DNAH8: variants seen among roughly 807,000 people sequenced by gnomAD.
DNAH8 encodes dynein axonemal heavy chain 8, also known as axonemal beta dynein heavy chain 8.
DNAH8 carries 382 observed loss-of-function variants against 562.1 expected under a neutral mutation model. The observed-to-expected ratio is 0.68, with a 90% CI of 0.63 to 0.74. The LOEUF (loss-of-function observed/expected upper bound fraction) is 0.74, where lower values mean the gene tolerates loss of function less well. DNAH8 is among the 30% of genes least tolerant of loss of function. The probability of loss-of-function intolerance (pLI) is 0.00; values close to 1 mark genes in which losing one functional copy is unlikely to be tolerated. For missense variants in DNAH8, 5,203 were observed against 5,620.4 expected, an observed-to-expected ratio of 0.93 and a Z score of 2.37; for synonymous variants, 1,881 against 1,919.4, an observed-to-expected ratio of 0.98 and a Z score of 0.52.
intron 12 of DNAH8, among the ~76,000 whole-genome samples, chr6:38,772,181 A>G (rs929940793): frequency 2.6e-5 from 4 of 151,890 alleles, no homozygotes; most frequent in Non-Finnish European, 5.9e-5. Flanking sequence ...GGTGCCCGCC[A>G]CTACGCCCGG....
In DNAH8 at chr6:38,923,073, G is replaced by T. The variant is rs141263020; in HGVS notation, c.10678G>T (p.Ala3560Ser). The T allele has an allele frequency of 2.5e-6, 4 of 1,613,164 alleles. No individual in the cohort carries two copies. In the Admixed American group the frequency reaches 5.0e-5, roughly 20 times the overall value. The change falls in exon 72 of 93, where the codon GCT becomes TCT. Residue 3560 changes from alanine (A) to serine (S), a missense_variant. This residue lies in a region of DNAH8 where 1,399 missense variants were observed against 1,518.4 expected (regional missense o/e 0.92). Transcript: ENST00000327475. ...MNEKMDLLNDADTCRKKMQAA... is the reference protein window; with the variant it reads ...MNEKMDLLNDSDTCRKKMQAA... ...ATGGCTGCAGGATTTGCTTAATGAC[G>T]CTGATACGTGCCGGAAAAAGATGCA...
chr6:39,022,180 G>A lies in DNAH8; in HGVS notation c.13715-4366G>A, dbSNP rs151130088. ...AAATCATTTGGATTTTGTGTGTGTG[G>A]GTAAGTGGGGGGTAGCTGTCTATAA... On this transcript the variant is annotated intron_variant, in intron 91 of 92. Transcript: ENST00000327475. Among the ~76,000 whole-genome samples, 453 of 152,302 alleles carry A rather than the reference G, an allele frequency of 3.0e-3. 2 individuals are homozygous for A. Among genetic ancestry groups the A allele is most frequent in the African/African-American group, 0.01 (433 of 41,570 alleles).
chr6:38,779,426 T>C (rs1175488092), intron 14 of DNAH8, among the ~76,000 whole-genome samples: 3 of 152,234 alleles, frequency 2.0e-5, no homozygotes, highest in East Asian at 1.9e-4. Context: ...TGTAGTATGC[T>C]GATGTCAATT....
In DNAH8 at chr6:38,822,899, G is replaced by A. The variant is rs368767000; in HGVS notation, c.3585G>A (p.Glu1195=). The A allele has an allele frequency of 1.1e-5, 18 of 1,611,874 alleles. No homozygotes were observed. The African/African-American group carries it at 2.0e-4, about 18-fold the overall frequency. Residue 1195 remains glutamate (E), a synonymous_variant, in exon 27 of 93, where the codon GAG becomes GAA. Transcript: ENST00000327475. ...AGAATTTTTACCCGGGGGTAGCGGA[G>A]CACAAGGATATTTCTAAGTTGGTCC... is the stretch of plus-strand genomic sequence containing the variant. The part of the protein sequence containing the change: ...KLKNFYPGVA[E]HKDISKLVLL...
intron 11 of DNAH8, chr6:38,764,411 C>G (rs2127612926): frequency 6.6e-6 from 1 of 152,590 alleles, no homozygotes; most frequent in African/African-American, 2.4e-5. Context: ...TTTTTGGAGT[C>G]AAGAGAACTT....
intron 17 of DNAH8, among the ~76,000 whole-genome samples, chr6:38,785,800 A>G (rs1477816504): frequency 6.6e-6 from 1 of 152,184 alleles, no homozygotes; most frequent in Non-Finnish European, 1.5e-5. Flanking sequence ...GTTGGATAAA[A>G]TTTTAAGTTG....
intron 88 of DNAH8, among the ~76,000 whole-genome samples, chr6:38,991,918 C>G (rs1764817899): frequency 6.6e-6 from 1 of 152,204 alleles, no homozygotes; most frequent in African/African-American, 2.4e-5. Context: ...AGACCTTGTC[C>G]TCCTGACCTG....
At chr6:38,893,634 G>A in intron 58 of DNAH8, among the ~76,000 whole-genome samples, 1 of 152,142 alleles carries the variant, frequency 6.6e-6, no homozygotes, top group East Asian at 1.9e-4. Context: ...GAGCAAAGAG[G>A]GAAGTTGATA....
intron 59 of DNAH8, among the ~76,000 whole-genome samples, chr6:38,895,552 T>C (rs1779619430): frequency 6.6e-6 from 1 of 152,220 alleles, no homozygotes; most frequent in South Asian, 2.1e-4. Flanking sequence ...TTAAATTCAG[T>C]CATCTTTTGG....
intron 88 of DNAH8, 51 bp downstream of exon 88, chr6:38,990,223 G>A (rs1764688276): frequency 8.2e-7 from 1 of 1,225,692 alleles, no homozygotes; most frequent in Non-Finnish European, 1.2e-6. Context: ...AACTCAGTCT[G>A]GCAAAGATGG....
At chr6:38,958,419 A>AG (rs1762397422) in intron 82 of DNAH8, among the ~76,000 whole-genome samples, 1 of 151,564 alleles carries the variant, frequency 6.6e-6, no homozygotes, top group East Asian at 1.9e-4. Context: ...GACTGGAAAA[A>AG]AAAAAAAACA....
intron 56 of DNAH8, among the ~76,000 whole-genome samples, chr6:38,885,932 T>G (rs1466261005): frequency 6.6e-6 from 1 of 152,212 alleles, no homozygotes; most frequent in Non-Finnish European, 1.5e-5. Flanking sequence ...ACAGAAAATT[T>G]TGTCTATGCT....
At chr6:38,795,758 G>A (rs1480567252) in intron 21 of DNAH8, among the ~76,000 whole-genome samples, 1 of 152,220 alleles carries the variant, frequency 6.6e-6, no homozygotes, top group Non-Finnish European at 1.5e-5. Context: ...AGTATGATTT[G>A]TAATGACAGG....
At chr6:38,963,049 C>T (rs1331555111) in intron 82 of DNAH8, among the ~76,000 whole-genome samples, 1 of 151,946 alleles carries the variant, frequency 6.6e-6, no homozygotes. Context: ...GATGGGTACA[C>T]CAAAATCTCA....
Position 38,890,772 on chromosome 6 carries a change from G to A in DNAH8, c.8583+11G>A. On this transcript the variant is annotated intron_variant, in intron 58 of 92. Coordinates refer to ENST00000327475, the MANE Select transcript of DNAH8 (RefSeq NM_001206927.2). Reference sequence around the variant, plus strand: ...TGGCAATGGACTAAGGTACAGAATGGTTTGTCAATAATTTTTAAAAAGGCA... The same window carrying A: ...TGGCAATGGACTAAGGTACAGAATGATTTGTCAATAATTTTTAAAAAGGCA... The A allele has an allele frequency of 1.3e-6, 2 of 1,585,110 alleles. No homozygotes were observed. Among genetic ancestry groups the A allele is most frequent in the African/African-American group, 1.3e-5 (1 of 74,406 alleles).
intron 91 of DNAH8, among the ~76,000 whole-genome samples, chr6:39,021,014 A>G (rs1240307226): frequency 1.3e-5 from 2 of 152,142 alleles, no homozygotes; most frequent in Non-Finnish European, 2.9e-5. Flanking sequence ...AATGATTTGT[A>G]TTTTTTTGGG....
intron 83 of DNAH8, among the ~76,000 whole-genome samples, chr6:38,972,617 GT>G (rs1763420482): frequency 1.3e-5 from 2 of 152,026 alleles, no homozygotes; most frequent in African/African-American, 4.8e-5. Context: ...CGGTGTTCAT[GT>G]TAACTGTCTT....
intron 3 of DNAH8, among the ~76,000 whole-genome samples, chr6:38,724,999 C>T (rs928497010): frequency 5.3e-5 from 8 of 151,842 alleles, no homozygotes; most frequent in African/African-American, 1.7e-4. Flanking sequence ...TCTATGGAAC[C>T]GTGCCTAAAA....
chr6:39,022,904 G>GT (rs960570992), intron 91 of DNAH8, among the ~76,000 whole-genome samples: 9 of 152,196 alleles, frequency 5.9e-5, no homozygotes, highest in Non-Finnish European at 1.0e-4. Context: ...AAACTTGTGA[G>GT]TTTTTTAAAA....
Sources: allele counts gnomAD v4.1 joint callset (sites outside exome capture counted in the v4.1 genomes callset), GRCh38; gene constraint gnomAD v4.1.1; regional missense constraint gnomAD v4.1.1; transcripts MANE v1.5; gene names NCBI Gene and HGNC (gene_info 2026-07-23, HGNC 2026-07-21).